Variants in GYS2 observed in about 807,000 individuals in gnomAD.
The protein encoded by GYS2 is glycogen [starch] synthase, liver.
Under a neutral mutation model 85.6 loss-of-function variants are expected in GYS2, and 80 were observed. That is an observed-to-expected ratio of 0.93 (90% CI 0.78 to 1.13). The LOEUF is 1.13. Ranked by LOEUF, GYS2 falls within the 50% of genes most tolerant of loss-of-function variation. The pLI is 0.00. For synonymous variants in GYS2, 328 were observed against 300.7 expected (o/e 1.09, Z -0.94); for missense variants, 881 against 854.9 (o/e 1.03, Z -0.38).
intron 1 of GYS2, among the ~76,000 whole-genome samples, chr12:21,581,854 CAT>C (rs1565608215): frequency 6.6e-6 from 1 of 152,072 alleles, no homozygotes; most frequent in Non-Finnish European, 1.5e-5. Flanking sequence ...TCAATTAGCT[CAT>C]GTGTCAAATG....
chr12:21,594,876 T>A (rs143222743), intron 1 of GYS2, among the ~76,000 whole-genome samples: 1 of 152,290 alleles, frequency 6.6e-6, no homozygotes, highest in Non-Finnish European at 1.5e-5. Context: ...CTAAACAGCA[T>A]GATACTGACA....
intron 11 of GYS2, among the ~76,000 whole-genome samples, chr12:21,547,390 T>A (rs973207806): frequency 6.6e-6 from 1 of 152,212 alleles, no homozygotes; most frequent in Admixed American, 6.5e-5. Context: ...AGTAGGTGAA[T>A]GAATACATAA....
intron 2 of GYS2, among the ~76,000 whole-genome samples, chr12:21,577,593 C>T (rs546388199): frequency 6.6e-6 from 1 of 152,284 alleles, no homozygotes; most frequent in East Asian, 1.9e-4. Flanking sequence ...ACATTTCTAA[C>T]ATTCTCTATG....
chr12:21,560,280 A>G (rs1944236399), intron 8 of GYS2, 106 bp downstream of exon 8: 1 of 751,428 alleles, frequency 1.3e-6, no homozygotes, highest in Non-Finnish European at 2.5e-6. Context: ...GTCTGTAATA[A>G]TCTTAAGGAA....
chr12:21,586,634 T>C (rs1591807419), intron 1 of GYS2, among the ~76,000 whole-genome samples: 1 of 152,140 alleles, frequency 6.6e-6, no homozygotes, highest in South Asian at 2.1e-4. Flanking sequence ...TACCTCCTTA[T>C]GCCAGTCAGA....
intron 1 of GYS2, among the ~76,000 whole-genome samples, chr12:21,594,121 T>C (rs11046131): frequency 0.14 from 21,886 of 152,082 alleles, 1,655 homozygotes; most frequent in Middle Eastern, 0.25. Flanking sequence ...AAGTCATATA[T>C]GACAAACCCA....
At position 21,574,282 on chromosome 12, in the gene GYS2, A is replaced by T; in HGVS notation, c.540T>A (p.His180Gln). Residue 180 changes from histidine to glutamine, a missense_variant, in exon 4 of 16, where the codon CAT becomes CAA. By Grantham distance (24) the His-to-Gln change is conservative. Transcript: ENST00000261195. ...TCAGTCCAATTCCAGCCTGCCATTC[A>T]TGGAATTGGGCAACGACATATTTAC... ...ADGKYVVAQFHEWQAGIGLIL... is the reference protein window; with the variant it reads ...ADGKYVVAQFQEWQAGIGLIL... 1 of 1,613,868 alleles carries T rather than the reference A, an allele frequency of 6.2e-7. No homozygotes were observed. Among genetic ancestry groups the T allele is most frequent in the Non-Finnish European group, 8.5e-7 (1 of 1,179,766 alleles).
intron 5 of GYS2, among the ~76,000 whole-genome samples, chr12:21,566,625 T>C (rs112366522): frequency 3.9e-5 from 6 of 152,146 alleles, no homozygotes; most frequent in African/African-American, 1.4e-4. Flanking sequence ...AATCGATATT[T>C]TCTAAATCTT....
Position 21,542,501 on chromosome 12 carries a change from G to T in GYS2, c.1640C>A (p.Ala547Asp), listed in dbSNP as rs1259847498. 1 of 1,603,354 alleles carries T rather than the reference G, an allele frequency of 6.2e-7. No homozygotes were observed. The highest frequency in any genetic ancestry group is 1.1e-5 in the South Asian group (1 of 90,892). ...FMQEHVADPT[A>D]YGIYIVDRRF... ...TTAATGATGAAAACCCTCACCGTAA[G>T]CAGTAGGATCAGCCACGTGCTCCTG... The change falls in exon 13 of 16, where the codon GCT (alanine) becomes GAT (aspartate). Residue 547 changes from alanine to aspartate, a missense_variant. Transcript: ENST00000261195.
chr12:21,552,780 T>C (rs1944128939), intron 11 of GYS2, among the ~76,000 whole-genome samples: 1 of 152,242 alleles, frequency 6.6e-6, no homozygotes, highest in Admixed American at 6.5e-5. Context: ...ACTTTTTTTC[T>C]CTGCCTGGTG....
chr12:21,597,631 A>T (rs1194179324), intron 1 of GYS2, among the ~76,000 whole-genome samples: 1 of 152,152 alleles, frequency 6.6e-6, no homozygotes, highest in Non-Finnish European at 1.5e-5. Flanking sequence ...ACTATGGAAA[A>T]CAATATGTAG....
intron 2 of GYS2, among the ~76,000 whole-genome samples, chr12:21,577,122 C>A (rs1333154192): frequency 6.6e-6 from 1 of 152,112 alleles, no homozygotes; most frequent in African/African-American, 2.4e-5. Context: ...CCTTGAAAGA[C>A]CCTCATTATG....
At chr12:21,597,727 T>C (rs1944712265) in intron 1 of GYS2, among the ~76,000 whole-genome samples, 1 of 152,100 alleles carries the variant, frequency 6.6e-6, no homozygotes, top group African/African-American at 2.4e-5. Context: ...GAATTCAGAA[T>C]AATAAACAGA....
intron 7 of GYS2, among the ~76,000 whole-genome samples, chr12:21,561,063 A>G (rs1255739877): frequency 4.6e-5 from 7 of 152,186 alleles, no homozygotes; most frequent in Admixed American, 4.6e-4. Context: ...GCCCTAAAGC[A>G]AAGAAACAAG....
At chr12:21,562,787 G>T in intron 7 of GYS2, 131 bp downstream of exon 7, 1 of 920,402 alleles carries the variant, frequency 1.1e-6, no homozygotes, top group Non-Finnish European at 1.7e-6. Context: ...TTGAAAGGCT[G>T]AAGCCATTTT....
chr12:21,562,024 T>C (rs1332106894), intron 7 of GYS2, among the ~76,000 whole-genome samples: 1 of 152,216 alleles, frequency 6.6e-6, no homozygotes, highest in Admixed American at 6.5e-5. Context: ...TACATTTTTA[T>C]GTGATGGGAT....
Position 21,580,540 on chromosome 12 carries a change from A to G in GYS2, c.122-17T>C. On this transcript the variant is annotated splice_polypyrimidine_tract_variant and intron_variant, in intron 1 of 15. Coordinates refer to ENST00000261195, the MANE Select transcript of GYS2 (RefSeq NM_021957.4). ...TGCCTCCAACTGTTAAAAGGAAAAA[A>G]GTTTCTATTATCATTCAGGTTAGCA... 1 of 1,597,256 alleles carries G rather than the reference A, an allele frequency of 6.3e-7. No homozygotes were observed.
intron 12 of GYS2, among the ~76,000 whole-genome samples, chr12:21,544,910 C>T (rs1944020462): frequency 6.6e-6 from 1 of 150,528 alleles, no homozygotes; most frequent in Non-Finnish European, 1.5e-5. Context: ...GTTGTTCCTG[C>T]TGTAAATAAT....
rs749278638 is a variant in GYS2 at position 21,574,256 on chromosome 12, A to T, written c.566T>A (p.Ile189Asn). 12 of 1,613,668 alleles carry T rather than the reference A, an allele frequency of 7.4e-6. No individual in the cohort carries two copies. The highest frequency in any genetic ancestry group is 3.3e-5 in the Admixed American group (2 of 59,998). Residue 189 changes from isoleucine (I) to asparagine (N), a missense_variant, in exon 4 of 16, where the codon ATC (isoleucine) becomes AAC (asparagine). Physicochemically the swap from Ile to Asn is moderately radical, Grantham distance 149 (BLOSUM62 -3). Transcript: ENST00000261195. ...FHEWQAGIGL[I>N]LSRARKLPIA... ...AGGAAGTTTCCTGGCTCGAGAAAGG[A>T]TCAGTCCAATTCCAGCCTGCCATTC...
Sources: allele counts gnomAD v4.1 joint callset (sites outside exome capture counted in the v4.1 genomes callset), GRCh38; gene constraint gnomAD v4.1.1; transcripts MANE v1.5; gene names NCBI Gene and HGNC (gene_info 2026-07-23, HGNC 2026-07-21).